Variants in KCNIP4 observed in about 807,000 individuals in gnomAD.
KCNIP4 encodes the protein potassium voltage-gated channel interacting protein 4.
KCNIP4 carries 12 observed loss-of-function variants against 34.0 expected under a neutral mutation model. The observed-to-expected ratio is 0.35, with a 90% CI of 0.23 to 0.57. The LOEUF (loss-of-function observed/expected upper bound fraction) is 0.57. Ranked by LOEUF, KCNIP4 falls within the 20% of genes least tolerant of loss-of-function variation. The pLI, the probability that KCNIP4 is intolerant of heterozygous loss-of-function variation, is 0.83. For synonymous variants in KCNIP4, 124 were observed against 102.2 expected (o/e 1.21, Z -1.29); for missense variants, 238 against 311.7 (o/e 0.76, Z 1.78).
chr4:21,579,149 C>T (rs746053776), intron 1 of KCNIP4, among the ~76,000 whole-genome samples: 1 of 152,158 alleles, frequency 6.6e-6, no homozygotes, highest in Non-Finnish European at 1.5e-5. Flanking sequence ...ACCCACTGCT[C>T]TGCTGTATGA....
At chr4:21,580,036 A>G (rs927414374) in intron 1 of KCNIP4, among the ~76,000 whole-genome samples, 4 of 152,128 alleles carry the variant, frequency 2.6e-5, no homozygotes, top group Non-Finnish European at 5.9e-5. Flanking sequence ...GTGCCCAAAT[A>G]TGTGTTGAAA....
At chr4:21,237,336 G>A (rs186209166) in intron 1 of KCNIP4, among the ~76,000 whole-genome samples, 2 of 152,048 alleles carry the variant, frequency 1.3e-5, no homozygotes, top group Non-Finnish European at 2.9e-5. Flanking sequence ...ATATAAACGA[G>A]TTCAGGCACT....
chr4:21,299,395 T>C (rs1764028853), intron 1 of KCNIP4, among the ~76,000 whole-genome samples: 1 of 152,086 alleles, frequency 6.6e-6, no homozygotes, highest in Non-Finnish European at 1.5e-5. Context: ...AATAGTTCCC[T>C]TTTAGGCATT....
rs568994036 is a variant in KCNIP4 at position 21,038,270 on chromosome 4, C to T, written c.62-155561G>A. On this transcript the variant is annotated intron_variant, in intron 1 of 8. Coordinates refer to ENST00000382152, the MANE Select transcript of KCNIP4 (RefSeq NM_025221.6). ...GATTACAGGCGTGAGCCACCATGCC[C>T]GGCCAAAAATGCTTTCTGTAACTTC... 1.8e-4 allele frequency among the ~76,000 whole-genome samples: 28 copies of T among 152,278 alleles called. No individual in the cohort carries two copies. In the South Asian group the frequency reaches 2.1e-3, roughly 11 times the overall value.
chr4:20,782,552 G>A (rs1388532377), intron 3 of KCNIP4, among the ~76,000 whole-genome samples: 1 of 152,180 alleles, frequency 6.6e-6, no homozygotes, highest in African/African-American at 2.4e-5. Flanking sequence ...CTTAGGGCTT[G>A]CACCCTCTGA....
intron 2 of KCNIP4, among the ~76,000 whole-genome samples, chr4:20,876,729 C>T (rs937532540): frequency 6.6e-5 from 10 of 152,184 alleles, no homozygotes; most frequent in South Asian, 6.2e-4. Context: ...CGTGCCACCA[C>T]GCCCAGCTAA....
At chr4:21,879,177 T>G (rs1726314398) in intron 1 of KCNIP4, among the ~76,000 whole-genome samples, 1 of 152,102 alleles carries the variant, frequency 6.6e-6, no homozygotes, top group African/African-American at 2.4e-5. Flanking sequence ...AGTCCGCTTT[T>G]TAAAAAAATT....
At chr4:20,890,832 C>T (rs1725841037) in intron 1 of KCNIP4, among the ~76,000 whole-genome samples, 1 of 152,154 alleles carries the variant, frequency 6.6e-6, no homozygotes, top group Non-Finnish European at 1.5e-5. Context: ...CTTATAATGC[C>T]TGACATTACT....
At chr4:21,339,150 A>G (rs551516441) in intron 1 of KCNIP4, among the ~76,000 whole-genome samples, 1 of 152,308 alleles carries the variant, frequency 6.6e-6, no homozygotes, top group South Asian at 2.1e-4. Flanking sequence ...ATCGCTGTCT[A>G]CTATAGGGTC....
chr4:21,028,761 T>C (rs1025029835), intron 1 of KCNIP4, among the ~76,000 whole-genome samples: 3 of 152,064 alleles, frequency 2.0e-5, no homozygotes, highest in Non-Finnish European at 4.4e-5. Context: ...TGCAAGACAA[T>C]GCAAAAAGTG....
chr4:20,770,889 C>T (rs1039594847), intron 3 of KCNIP4, among the ~76,000 whole-genome samples: 2 of 152,114 alleles, frequency 1.3e-5, no homozygotes, highest in Non-Finnish European at 2.9e-5. Flanking sequence ...GAGCCGAGAT[C>T]ATGCCATTGC....
intron 1 of KCNIP4, among the ~76,000 whole-genome samples, chr4:21,893,636 T>C (rs533041784): frequency 6.6e-6 from 1 of 152,310 alleles, no homozygotes; most frequent in South Asian, 2.1e-4. Context: ...AATTTACTTG[T>C]GTACATGTTG....
At chr4:21,172,827 T>A (rs1754110799) in intron 1 of KCNIP4, among the ~76,000 whole-genome samples, 1 of 152,184 alleles carries the variant, frequency 6.6e-6, no homozygotes, top group Non-Finnish European at 1.5e-5. Context: ...TTCCCAGGTA[T>A]CATACAGACC....
At chr4:21,343,387 C>T (rs1008236515) in intron 1 of KCNIP4, among the ~76,000 whole-genome samples, 9 of 152,044 alleles carry the variant, frequency 5.9e-5, no homozygotes, top group African/African-American at 1.9e-4. Flanking sequence ...AGAGGAAATT[C>T]GGAAAGAAAG....
chr4:21,917,319 T>C (rs979488194), intron 1 of KCNIP4, among the ~76,000 whole-genome samples: 2 of 152,062 alleles, frequency 1.3e-5, no homozygotes, highest in African/African-American at 2.4e-5. Context: ...GTATTTTTAA[T>C]AGAGACTGGG....
chr4:21,618,855 G>A (rs1048361377), intron 1 of KCNIP4, among the ~76,000 whole-genome samples: 2 of 151,586 alleles, frequency 1.3e-5, no homozygotes, highest in African/African-American at 4.8e-5. Context: ...GGATGGTCTC[G>A]ATCACCTGAC....
At chr4:21,498,557 A>T (rs1285100293) in intron 1 of KCNIP4, among the ~76,000 whole-genome samples, 1 of 152,260 alleles carries the variant, frequency 6.6e-6, no homozygotes, top group Non-Finnish European at 1.5e-5. Context: ...TAAATACACA[A>T]GGTCATGAGC....
At chr4:20,916,847 T>G (rs1313220134) in intron 1 of KCNIP4, among the ~76,000 whole-genome samples, 2 of 151,502 alleles carry the variant, frequency 1.3e-5, no homozygotes, top group Non-Finnish European at 2.9e-5. Flanking sequence ...TCCAAAGTCC[T>G]AAACTAAACT....
intron 1 of KCNIP4, among the ~76,000 whole-genome samples, chr4:20,897,246 C>G (rs943923329): frequency 1.3e-5 from 2 of 152,076 alleles, no homozygotes; most frequent in Non-Finnish European, 2.9e-5. Context: ...CCCACCGCCC[C>G]TAAATCTCAT....
Sources: allele counts gnomAD v4.1 joint callset (sites outside exome capture counted in the v4.1 genomes callset), GRCh38; gene constraint gnomAD v4.1.1; transcripts MANE v1.5; gene names NCBI Gene and HGNC (gene_info 2026-07-23, HGNC 2026-07-21).